Variants in GNAQ observed in about 807,000 individuals in gnomAD.
The protein encoded by GNAQ is G protein subunit alpha q.
A neutral mutation model predicts 43.9 loss-of-function variants in GNAQ; 8 were observed. That is an observed-to-expected ratio of 0.18 (90% CI 0.11 to 0.33). The LOEUF (loss-of-function observed/expected upper bound fraction) is 0.33, where lower values mean the gene tolerates loss of function less well. Ranked by LOEUF, GNAQ falls within the 10% of genes least tolerant of loss-of-function variation. The probability of loss-of-function intolerance (pLI) is 1.00; values close to 1 mark genes in which losing one functional copy is unlikely to be tolerated. For missense variants in GNAQ, 158 were observed against 450.8 expected, an observed-to-expected ratio of 0.35 and a Z score of 5.88; for synonymous variants, 155 against 170.7, an observed-to-expected ratio of 0.91 and a Z score of 0.71.
chr9:77,976,498 T>A (rs1448724341), intron 1 of GNAQ, among the ~76,000 whole-genome samples: 1 of 152,186 alleles, frequency 6.6e-6, no homozygotes, highest in Non-Finnish European at 1.5e-5. Flanking sequence ...GTTCAGGTGA[T>A]TCTCCTGCCT....
chr9:77,900,496 C>T (rs1235614284), intron 2 of GNAQ, among the ~76,000 whole-genome samples: 1 of 152,140 alleles, frequency 6.6e-6, no homozygotes, highest in African/African-American at 2.4e-5. Flanking sequence ...TGGTTAGATA[C>T]TGGGTGCACA....
rs1825242250 is a variant in GNAQ at position 77,717,415 on chromosome 9, A to C, written c.*3908T>G. ...ATTCGTTTTGAGAAACTGAAAACAA[A>C]GGGAAATCAAGGGTAATCGGTAGGT... is the stretch of plus-strand genomic sequence containing the variant. On this transcript the variant is annotated 3_prime_UTR_variant, in exon 7 of 7. Coordinates refer to ENST00000286548, the MANE Select transcript of GNAQ (RefSeq NM_002072.5). The C allele has an allele frequency of 8.6e-6, 2 of 232,310 alleles. No individual in the cohort carries two copies. Among genetic ancestry groups the C allele is most frequent in the East Asian group, 1.2e-4 (2 of 16,394 alleles). The allele number at this position is 232,310 out of a possible 1,614,324, so 14.4% of individuals were successfully genotyped here. A position where few individuals can be genotyped will look rare whatever the true frequency, so the allele number is the denominator to read the frequency against.
intron 3 of GNAQ, among the ~76,000 whole-genome samples, chr9:77,807,267 T>C (rs3780305): frequency 0.78 from 118,772 of 152,034 alleles, 46,538 homozygotes; most frequent in Admixed American, 0.85. Context: ...TCTTTGGCTC[T>C]CCTGTGACTG....
intron 1 of GNAQ, among the ~76,000 whole-genome samples, chr9:77,927,665 T>TC (rs1199384719): frequency 6.6e-6 from 1 of 152,152 alleles, no homozygotes; most frequent in Non-Finnish European, 1.5e-5. Flanking sequence ...CTTTTTTTTT[T>TC]CAAGGGTCTC....
intron 4 of GNAQ, among the ~76,000 whole-genome samples, chr9:77,796,511 A>G (rs1282477735): frequency 6.6e-6 from 1 of 152,236 alleles, no homozygotes; most frequent in Non-Finnish European, 1.5e-5. Context: ...AGATTGAATG[A>G]AAGTACATCA....
At chr9:77,764,653 C>T (rs1442087865) in intron 5 of GNAQ, among the ~76,000 whole-genome samples, 1 of 152,112 alleles carries the variant, frequency 6.6e-6, no homozygotes, top group African/African-American at 2.4e-5. Context: ...GACGGGGTTT[C>T]ACCGTGTTAG....
intron 2 of GNAQ, among the ~76,000 whole-genome samples, chr9:77,827,639 T>C (rs117161170): frequency 4.1e-4 from 63 of 152,158 alleles, no homozygotes; most frequent in Non-Finnish European, 7.6e-4. Context: ...ACTAACCTCT[T>C]CTGTGTTTGC....
At chr9:77,736,762 C>T (rs1351331991) in intron 5 of GNAQ, among the ~76,000 whole-genome samples, 1 of 151,982 alleles carries the variant, frequency 6.6e-6, no homozygotes, top group African/African-American at 2.4e-5. Context: ...AGAGCCAGAA[C>T]GTGAGTGACA....
intron 1 of GNAQ, among the ~76,000 whole-genome samples, chr9:77,970,269 C>T (rs1043877196): frequency 3.9e-5 from 6 of 151,952 alleles, no homozygotes; most frequent in African/African-American, 1.5e-4. Context: ...GACTGAGTCA[C>T]AAACTCCTCC....
chr9:77,736,045 C>T (rs1403567900), intron 5 of GNAQ, among the ~76,000 whole-genome samples: 1 of 152,192 alleles, frequency 6.6e-6, no homozygotes, highest in African/African-American at 2.4e-5. Context: ...TTGCTCCTCT[C>T]AAATCTCTGA....
Position 78,007,440 on chromosome 9 carries a change from GA to G in GNAQ, c.136+23659del, listed in dbSNP as rs199945691. Among the ~76,000 whole-genome samples the G allele has an allele frequency of 5.9e-3, 805 of 137,034 alleles. 17 individuals are homozygous for G. The highest frequency in any genetic ancestry group is 9.2e-3 in the East Asian group (44 of 4,764). The allele number at this position is 137,034 out of a possible 152,430, so 89.9% of individuals were successfully genotyped here. On this transcript the variant is annotated intron_variant, in intron 1 of 6. Transcript: ENST00000286548. ...AAGCCACCCACTAGAAAACAAGGAA[GA>G]AAAAAAAAAAATCGAACAGCCTCTG...
chr9:78,007,238 A>T (rs1823718137), intron 1 of GNAQ, among the ~76,000 whole-genome samples: 1 of 152,132 alleles, frequency 6.6e-6, no homozygotes, highest in South Asian at 2.1e-4. Flanking sequence ...TTTGTCCCTT[A>T]TCTTTCATTT....
chr9:77,853,132 T>C (rs1289414539), intron 2 of GNAQ, among the ~76,000 whole-genome samples: 3 of 152,214 alleles, frequency 2.0e-5, no homozygotes, highest in Non-Finnish European at 4.4e-5. Flanking sequence ...AAGAAAATTT[T>C]AGAAAGCAGT....
rs2118455687 is a variant in GNAQ, at chr9:77,797,575, C to T, written c.550G>A (p.Val184Ile). The T allele has an allele frequency of 6.2e-7, 1 of 1,612,932 alleles. No individual in the cohort carries two copies. Residue 184 changes from valine to isoleucine, a missense_variant, in exon 4 of 7, where the codon GTC becomes ATC. Physicochemically the swap from Val to Ile is conservative, Grantham distance 29. Around this residue, in one of 9 missense-constraint regions of GNAQ, gnomAD observed 4 missense variants for 60.8 expected, o/e 0.07. Coordinates refer to ENST00000286548, the MANE Select transcript of GNAQ (RefSeq NM_002072.5). Reference protein sequence around the residue: ...PTQQDVLRVRVPTTGIIEYPF... With the variant: ...PTQQDVLRVRIPTTGIIEYPF... ...TATTCGATGATCCCTGTGGTGGGGA[C>T]TCGAACTCTAAGCACATCTTGTTGC...
Position 78,013,831 on chromosome 9 carries a change from C to G in GNAQ, c.136+17269G>C, listed in dbSNP as rs773276437. ...AAAATTGTATTTGAACATAGCCATA[C>G]TCATTTATTAACAAACTGTTTGTGG... On this transcript the variant is annotated intron_variant, in intron 1 of 6. Coordinates refer to ENST00000286548, the MANE Select transcript of GNAQ (RefSeq NM_002072.5). Among the ~76,000 whole-genome samples, 6 of 152,210 alleles carry G rather than the reference C, an allele frequency of 3.9e-5. No homozygotes were observed. In the South Asian group the frequency reaches 6.2e-4, roughly 16 times the overall value.
chr9:77,918,071 A>T (rs1828939990), intron 2 of GNAQ, among the ~76,000 whole-genome samples: 1 of 152,324 alleles, frequency 6.6e-6, no homozygotes, highest in South Asian at 2.1e-4. Context: ...AGCAATAACA[A>T]GTAAGCAGGA....
chr9:77,814,818 A>T (rs1274305088), intron 3 of GNAQ, among the ~76,000 whole-genome samples: 1 of 152,200 alleles, frequency 6.6e-6, no homozygotes, highest in Non-Finnish European at 1.5e-5. Context: ...TGCTGTATTA[A>T]TATAACTAAT....
At chr9:77,814,144 G>C (rs192176338) in intron 3 of GNAQ, among the ~76,000 whole-genome samples, 12 of 152,186 alleles carry the variant, frequency 7.9e-5, no homozygotes, top group Admixed American at 7.9e-4. Flanking sequence ...GAGTAAAAAA[G>C]ACAGCTGGTC....
chr9:78,026,166 G>C (rs1000799724), intron 1 of GNAQ, among the ~76,000 whole-genome samples: 2 of 152,110 alleles, frequency 1.3e-5, no homozygotes, highest in Non-Finnish European at 2.9e-5. Context: ...TAGAATATGT[G>C]AATAGATAAA....
Sources: allele counts gnomAD v4.1 joint callset (sites outside exome capture counted in the v4.1 genomes callset), GRCh38; gene constraint gnomAD v4.1.1; regional missense constraint gnomAD v4.1.1; transcripts MANE v1.5; gene names NCBI Gene and HGNC (gene_info 2026-07-23, HGNC 2026-07-21).